The following CPEB4 variants were observed in gnomAD, a reference collection of about 807,000 sequenced individuals.
The protein encoded by CPEB4 is cytoplasmic polyadenylation element binding protein 4, also known as cytoplasmic polyadenylation element-binding protein 4.
A neutral mutation model predicts 72.5 loss-of-function variants in CPEB4; 12 were observed. The observed-to-expected ratio is 0.17, with a 90% confidence interval of 0.11 to 0.27. CPEB4 has a LOEUF of 0.27. CPEB4 is among the 10% of genes least tolerant of loss of function. The pLI is 1.00. For missense variants in CPEB4, 614 were observed against 908.5 expected (o/e 0.68, Z 4.17); for synonymous variants, 302 against 326.3 (o/e 0.93, Z 0.80).
intron 1 of CPEB4, among the ~76,000 whole-genome samples, chr5:173,895,292 G>T (rs1379678196): frequency 6.6e-6 from 1 of 152,188 alleles, no homozygotes; most frequent in African/African-American, 2.4e-5. Flanking sequence ...TTGGAGGGGT[G>T]CCTGGATCTT....
rs551735158 is a variant in CPEB4 at position 173,889,866 on chromosome 5, A to G, written c.133A>G (p.Ile45Val). The change falls in exon 1 of 10, where the codon ATA (isoleucine) becomes GTA (valine). Residue 45 changes from isoleucine to valine, a missense_variant. Ile to Val is a conservative substitution (Grantham distance 29). Coordinates refer to ENST00000265085, the MANE Select transcript of CPEB4 (RefSeq NM_030627.4). ...QNATPSPAAF[I>V]NNNTAANGSS... Reference sequence around the variant, plus strand: ...TGCCACCCCCAGCCCTGCTGCTTTTATAAATAATAACACAGCTGCCAATGG... The same window carrying G: ...TGCCACCCCCAGCCCTGCTGCTTTTGTAAATAATAACACAGCTGCCAATGG... 23 of 1,614,120 alleles carry G rather than the reference A, an allele frequency of 1.4e-5. No homozygotes were observed. The African/African-American group carries it at 2.5e-4, about 18-fold the overall frequency.
chr5:173,952,974 A>G, intron 8 of CPEB4, 117 bp from the exon 9 acceptor site: 2 of 763,016 alleles, frequency 2.6e-6, no homozygotes, highest in East Asian at 2.5e-5. Context: ...TTTCATTTTA[A>G]TAATTATTAT....
intron 5 of CPEB4, among the ~76,000 whole-genome samples, chr5:173,946,861 A>G (rs902959090): frequency 6.6e-6 from 1 of 152,150 alleles, no homozygotes; most frequent in African/African-American, 2.4e-5. Context: ...GACTCACACA[A>G]ACTAAACTTA....
At chr5:173,901,891 A>G (rs1249117367) in intron 1 of CPEB4, among the ~76,000 whole-genome samples, 5 of 152,182 alleles carry the variant, frequency 3.3e-5, no homozygotes, top group Non-Finnish European at 5.9e-5. Flanking sequence ...CTCATGGCGC[A>G]TGGTGATAGT....
chr5:173,898,232 A>G (rs1364469544), intron 1 of CPEB4, among the ~76,000 whole-genome samples: 1 of 152,168 alleles, frequency 6.6e-6, no homozygotes, highest in East Asian at 1.9e-4. Context: ...TAGTTCTTCC[A>G]GGTATTCTTG....
rs1755716637 is a variant in CPEB4 at position 173,889,244 on chromosome 5, TC to T, written c.-486del. ...CCAAGCTGCCAAGAAAAGAACGTATTCCCCTCTTAGTCCTATTCTAATTTTT... is the reference window on the plus strand; with the variant it reads ...CCAAGCTGCCAAGAAAAGAACGTATTCCCTCTTAGTCCTATTCTAATTTTT... On this transcript the variant is annotated 5_prime_UTR_variant, in exon 1 of 10. Transcript: ENST00000265085. The T allele has an allele frequency of 6.6e-6, 1 of 151,862 alleles. No individual in the cohort carries two copies. Among genetic ancestry groups the T allele is most frequent in the Non-Finnish European group, 1.5e-5 (1 of 67,994 alleles). The allele number at this position is 151,862 out of a possible 1,614,324, so 9.4% of individuals were successfully genotyped here. A position where few individuals can be genotyped will look rare whatever the true frequency, so the allele number is the denominator to read the frequency against.
intron 3 of CPEB4, among the ~76,000 whole-genome samples, chr5:173,942,071 A>G (rs1365372886): frequency 1.3e-5 from 2 of 151,958 alleles, no homozygotes; most frequent in African/African-American, 2.4e-5. Context: ...CCCACCCCCA[A>G]CTTTTTCATC....
intron 4 of CPEB4, among the ~76,000 whole-genome samples, chr5:173,944,766 T>G (rs552582857): frequency 2.0e-5 from 3 of 152,200 alleles, no homozygotes; most frequent in Non-Finnish European, 4.4e-5. Flanking sequence ...TCTATTAATA[T>G]TTAACTGTGT....
chr5:173,889,884 G>A lies in CPEB4; in HGVS notation c.151G>A (p.Ala51Thr). Residue 51 changes from alanine to threonine, a missense_variant, in exon 1 of 10, where the codon GCC (alanine) becomes ACC (threonine). Ala to Thr is a moderately conservative substitution (Grantham distance 58). Around this residue, in one of 5 missense-constraint regions of CPEB4, gnomAD observed 458 missense variants for 548.6 expected, o/e 0.83. Transcript: ENST00000265085. Reference sequence around the variant, plus strand: ...TGCTTTTATAAATAATAACACAGCTGCCAATGGCAGCAGTGCTGGGTCAGC... The same window carrying A: ...TGCTTTTATAAATAATAACACAGCTACCAATGGCAGCAGTGCTGGGTCAGC... Reference protein sequence around the residue: ...PAAFINNNTAANGSSAGSAWL... With the variant: ...PAAFINNNTATNGSSAGSAWL... 1.2e-6 allele frequency: 2 copies of A among 1,614,142 alleles called. No homozygotes were observed. The highest frequency in any genetic ancestry group is 1.7e-6 in the Non-Finnish European group (2 of 1,180,028).
chr5:173,912,924 A>T (rs1017781824), intron 2 of CPEB4, among the ~76,000 whole-genome samples: 1 of 151,398 alleles, frequency 6.6e-6, no homozygotes, highest in African/African-American at 2.4e-5. Context: ...GTCTCAAAAA[A>T]AAAAAAAAAA....
intron 5 of CPEB4, among the ~76,000 whole-genome samples, chr5:173,945,875 A>G (rs1452630115): frequency 6.6e-6 from 1 of 152,226 alleles, no homozygotes; most frequent in African/African-American, 2.4e-5. Flanking sequence ...GGAATATGCT[A>G]TTCATCCGTG....
At chr5:173,911,273 G>GTTT (rs199961002) in intron 2 of CPEB4, among the ~76,000 whole-genome samples, 7 of 147,058 alleles carry the variant, frequency 4.8e-5, no homozygotes, top group Non-Finnish European at 6.0e-5. Context: ...GGGCTTGCAT[G>GTTT]TTTTTATTTT....
At chr5:173,917,460 G>A (rs1756911290) in intron 2 of CPEB4, among the ~76,000 whole-genome samples, 1 of 152,244 alleles carries the variant, frequency 6.6e-6, no homozygotes, top group African/African-American at 2.4e-5. Context: ...TAGGCTGGGC[G>A]TGGTGGCTCA....
At position 173,890,509 on chromosome 5, in the gene CPEB4, C is replaced by T. The variant is rs754263907; in HGVS notation, c.776C>T (p.Pro259Leu). The T allele has an allele frequency of 5.0e-6, 8 of 1,613,552 alleles. No homozygotes were observed. Among genetic ancestry groups the T allele is most frequent in the African/African-American group, 2.7e-5 (2 of 74,902 alleles). ...QRRSPASPHPPPFTHRNAAFN... is the reference protein window; with the variant it reads ...QRRSPASPHPLPFTHRNAAFN... Reference sequence around the variant, plus strand: ...AGGTCTCCTGCCAGTCCCCATCCCCCACCCTTCACACATAGAAATGCTGCT... The same window carrying T: ...AGGTCTCCTGCCAGTCCCCATCCCCTACCCTTCACACATAGAAATGCTGCT... The change falls in exon 1 of 10, where the codon CCA becomes CTA. Residue 259 changes from proline to leucine, a missense_variant. Pro to Leu is a moderately conservative substitution (Grantham distance 98). This residue lies in a region of CPEB4 where 458 missense variants were observed against 548.6 expected (regional missense o/e 0.83). Transcript: ENST00000265085.
At chr5:173,901,071 AACTG>A (rs773791540) in intron 1 of CPEB4, among the ~76,000 whole-genome samples, 6 of 152,208 alleles carry the variant, frequency 3.9e-5, no homozygotes, top group Non-Finnish European at 8.8e-5. Context: ...TTGATTCAGG[AACTG>A]ACTGACTAAT....
At chr5:173,930,783 T>C (rs1581146997) in intron 2 of CPEB4, among the ~76,000 whole-genome samples, 1 of 151,864 alleles carries the variant, frequency 6.6e-6, no homozygotes, top group South Asian at 2.1e-4. Flanking sequence ...GGTCAGGAGA[T>C]TGAGACCATC....
chr5:173,939,688 A>G (rs1484081469), intron 3 of CPEB4, among the ~76,000 whole-genome samples: 1 of 152,192 alleles, frequency 6.6e-6, no homozygotes, highest in African/African-American at 2.4e-5. Flanking sequence ...GAAATAAAGT[A>G]TATCAATAGA....
intron 2 of CPEB4, among the ~76,000 whole-genome samples, chr5:173,918,556 C>A (rs1324280381): frequency 2.0e-5 from 3 of 152,070 alleles, no homozygotes; most frequent in Non-Finnish European, 4.4e-5. Flanking sequence ...ATGTGAATGC[C>A]GACATCGTCA....
chr5:173,934,434 C>T (rs950622820), intron 3 of CPEB4, among the ~76,000 whole-genome samples: 8 of 152,006 alleles, frequency 5.3e-5, no homozygotes, highest in African/African-American at 1.9e-4. Context: ...TTAACATTGC[C>T]TCAAACTGAA....
Sources: gnomAD v4.1 joint callset for allele counts (sites outside exome capture counted in the v4.1 genomes callset) on GRCh38, gnomAD v4.1.1 for gene constraint, gnomAD v4.1.1 regional missense constraint, MANE v1.5 for transcripts, NCBI Gene and HGNC (gene_info 2026-07-23, HGNC 2026-07-21) for gene names.